Variants in ULK4 observed in about 807,000 individuals in gnomAD.
ULK4 encodes inactive serine/threonine-protein kinase ULK4.
ULK4 carries 133 observed loss-of-function variants against 160.6 expected under a neutral mutation model. The observed-to-expected ratio is 0.83, with a 90% CI of 0.72 to 0.96. ULK4 has a LOEUF of 0.96. ULK4 is among the 40% of genes least tolerant of loss of function. ULK4 has a pLI of 0.00. For synonymous variants in ULK4, 534 were observed against 539.8 expected, an observed-to-expected ratio of 0.99 and a Z score of 0.15; for missense variants, 1,580 against 1,499.5, an observed-to-expected ratio of 1.05 and a Z score of -0.89.
At chr3:41,294,944 A>G (rs1323491336) in intron 35 of ULK4, among the ~76,000 whole-genome samples, 1 of 152,218 alleles carries the variant, frequency 6.6e-6, no homozygotes, top group African/African-American at 2.4e-5. Flanking sequence ...AATGTTGACA[A>G]ACTGACTCTA....
At chr3:41,497,590 G>T (rs983000111) in intron 32 of ULK4, among the ~76,000 whole-genome samples, 1 of 152,022 alleles carries the variant, frequency 6.6e-6, no homozygotes, top group African/African-American at 2.4e-5. Context: ...CCACACCTAG[G>T]CAAGTTAAAA....
At chr3:41,587,043 T>C (rs1004821329) in intron 31 of ULK4, among the ~76,000 whole-genome samples, 1 of 152,134 alleles carries the variant, frequency 6.6e-6, no homozygotes, top group Non-Finnish European at 1.5e-5. Flanking sequence ...AATCAAAGTG[T>C]CAGCTAGGCA....
chr3:41,316,816 T>A (rs538704100), intron 35 of ULK4, among the ~76,000 whole-genome samples: 1 of 152,214 alleles, frequency 6.6e-6, no homozygotes, highest in African/African-American at 2.4e-5. Flanking sequence ...AGCGCCTTTT[T>A]TAGTTGGTTC....
intron 35 of ULK4, among the ~76,000 whole-genome samples, chr3:41,266,618 T>G (rs2079038831): frequency 6.6e-6 from 1 of 152,174 alleles, no homozygotes; most frequent in Non-Finnish European, 1.5e-5. Context: ...TTAGGTCTCT[T>G]GGAAGCCTAA....
intron 35 of ULK4, among the ~76,000 whole-genome samples, chr3:41,268,868 G>C (rs1014386144): frequency 3.8e-5 from 5 of 130,020 alleles, no homozygotes; most frequent in African/African-American, 1.5e-4. Flanking sequence ...AGAAAGTAAA[G>C]ACGCAGCTCT....
intron 17 of ULK4, among the ~76,000 whole-genome samples, chr3:41,840,996 G>C (rs2041903606): frequency 6.6e-6 from 1 of 150,886 alleles, no homozygotes; most frequent in East Asian, 2.0e-4. Context: ...CACCCCGTCT[G>C]GGATGTGAGG....
intron 32 of ULK4, among the ~76,000 whole-genome samples, chr3:41,560,343 C>G (rs926012093): frequency 9.9e-5 from 15 of 152,122 alleles, no homozygotes; most frequent in Admixed American, 7.9e-4. Flanking sequence ...CTTGGCAATG[C>G]GGGCTCTTTT....
intron 30 of ULK4, among the ~76,000 whole-genome samples, chr3:41,647,269 C>G (rs1185388793): frequency 6.6e-6 from 1 of 152,232 alleles, no homozygotes; most frequent in East Asian, 1.9e-4. Context: ...GAGAGGCACT[C>G]TGCTTTTTAG....
In ULK4 at chr3:41,463,118, T is replaced by C. The variant is rs774645425; in HGVS notation, c.3362A>G (p.Tyr1121Cys). 9.3e-6 allele frequency: 15 copies of C among 1,613,622 alleles called. No individual in the cohort carries two copies. Among genetic ancestry groups the C allele is most frequent in the Middle Eastern group, 1.7e-4 (1 of 6,038 alleles). ...AGCCAGCCGTACAATACCGGAGGTA[T>C]AGGTCAGCATGCTGTGCAAAATATC... ...LLDILHSMLT[Y>C]TSGIVRLALQ... is the part of the protein sequence containing the mutation. The change falls in exon 33 of 37, where the codon TAT (tyrosine) becomes TGT (cysteine). Residue 1121 changes from tyrosine (Y) to cysteine (C), a missense_variant. Tyr to Cys is a radical substitution (Grantham distance 194, BLOSUM62 -2). Coordinates refer to ENST00000301831, the MANE Select transcript of ULK4 (RefSeq NM_017886.4).
intron 22 of ULK4, among the ~76,000 whole-genome samples, chr3:41,751,347 G>A (rs140005064): frequency 2.4e-4 from 36 of 152,270 alleles, no homozygotes; most frequent in African/African-American, 7.9e-4. Context: ...CTGCATTTTA[G>A]ACCCTGCAGA....
chr3:41,271,811 GCTA>G (rs10531406), intron 35 of ULK4, among the ~76,000 whole-genome samples: 37,931 of 151,946 alleles, frequency 0.25, 7,011 homozygotes, highest in African/African-American at 0.52. Context: ...TACAAATAAG[GCTA>G]CTATGAACCC....
intron 8 of ULK4, among the ~76,000 whole-genome samples, chr3:41,915,762 C>T (rs1238302638): frequency 6.6e-6 from 1 of 152,158 alleles, no homozygotes; most frequent in Non-Finnish European, 1.5e-5. Context: ...TGATTAAAAA[C>T]ACCTGCAAAC....
intron 27 of ULK4, among the ~76,000 whole-genome samples, chr3:41,688,335 C>T (rs2125801463): frequency 6.6e-6 from 1 of 152,248 alleles, no homozygotes; most frequent in Middle Eastern, 3.4e-3. Context: ...GGGAGAATCG[C>T]TTGAGCCCAG....
At chr3:41,803,334 AC>A (rs1011165266) in intron 19 of ULK4, among the ~76,000 whole-genome samples, 7 of 152,180 alleles carry the variant, frequency 4.6e-5, no homozygotes, top group Admixed American at 1.3e-4. Flanking sequence ...ACCAAGTTAG[AC>A]CATGTTCAGG....
intron 34 of ULK4, among the ~76,000 whole-genome samples, chr3:41,424,828 C>T (rs2082739478): frequency 3.2e-5 from 1 of 31,632 alleles, no homozygotes; most frequent in Non-Finnish European, 5.7e-5. Context: ...GATAAGAAAT[C>T]ATCAAAAAAA....
intron 34 of ULK4, among the ~76,000 whole-genome samples, chr3:41,416,289 A>T (rs2082524033): frequency 6.6e-6 from 1 of 152,320 alleles, no homozygotes; most frequent in African/African-American, 2.4e-5. Flanking sequence ...AAAAATTGGA[A>T]TATTTCACAT....
intron 34 of ULK4, among the ~76,000 whole-genome samples, chr3:41,422,374 T>C (rs13316649): frequency 0.49 from 73,804 of 151,998 alleles, 18,763 homozygotes; most frequent in African/African-American, 0.63. Context: ...CTGCTTGTGG[T>C]GAAATTACAC....
chr3:41,854,398 T>C (rs1215669053), intron 17 of ULK4, among the ~76,000 whole-genome samples: 1 of 152,184 alleles, frequency 6.6e-6, no homozygotes, highest in Non-Finnish European at 1.5e-5. Flanking sequence ...TTTGGTTCTC[T>C]GACCACAGTG....
chr3:41,808,500 C>T (rs1400318998), intron 19 of ULK4, among the ~76,000 whole-genome samples: 1 of 152,136 alleles, frequency 6.6e-6, no homozygotes, highest in African/African-American at 2.4e-5. Flanking sequence ...ACCATACAAG[C>T]AAATAAGAGT....
Sources: gnomAD v4.1 joint callset for allele counts (sites outside exome capture counted in the v4.1 genomes callset) on GRCh38, gnomAD v4.1.1 for gene constraint, MANE v1.5 for transcripts, NCBI Gene and HGNC (gene_info 2026-07-23, HGNC 2026-07-21) for gene names.